Variants in MNAT1 observed in about 807,000 individuals in gnomAD.
The protein encoded by MNAT1 is CDK-activating kinase assembly factor MAT1.
MNAT1 carries 43 observed loss-of-function variants against 42.0 expected under a neutral mutation model. The observed-to-expected ratio is 1.02, with a 90% CI of 0.80 to 1.32. The LOEUF is 1.32. Ranked by LOEUF, MNAT1 falls within the 40% of genes most tolerant of loss-of-function variation. The probability of loss-of-function intolerance (pLI) is 0.00; values close to 1 mark genes in which losing one functional copy is unlikely to be tolerated. For missense variants in MNAT1, 306 were observed against 350.4 expected (o/e 0.87, Z 1.01); for synonymous variants, 118 against 120.0 (o/e 0.98, Z 0.11).
intron 7 of MNAT1, among the ~76,000 whole-genome samples, chr14:60,884,659 G>A (rs2034622671): frequency 6.6e-6 from 1 of 151,896 alleles, no homozygotes; most frequent in Admixed American, 6.6e-5. Context: ...ATTGTACTAC[G>A]TCTTGAAAAG....
chr14:60,843,569 C>T (rs2033605359), intron 6 of MNAT1, among the ~76,000 whole-genome samples: 1 of 152,070 alleles, frequency 6.6e-6, no homozygotes, highest in African/African-American at 2.4e-5. Flanking sequence ...TGCGTCCGGC[C>T]TCGTTTGCCT....
At chr14:60,795,205 C>G (rs888870007) in intron 1 of MNAT1, among the ~76,000 whole-genome samples, 1 of 152,268 alleles carries the variant, frequency 6.6e-6, no homozygotes, top group East Asian at 1.9e-4. Context: ...AGCCTGATTT[C>G]CTACACAGCA....
chr14:60,869,040 A>ATATATATATATATATATATATATTTTT (rs1465360826), intron 6 of MNAT1, among the ~76,000 whole-genome samples: 4 of 113,024 alleles, frequency 3.5e-5, no homozygotes, highest in Non-Finnish European at 3.7e-5. Context: ...ATATATATAT[A>ATATATATATATATATATATATATTTTT]TTTTTTTTTT....
chr14:60,851,597 G>A (rs906114137), intron 6 of MNAT1, among the ~76,000 whole-genome samples: 4 of 151,990 alleles, frequency 2.6e-5, no homozygotes, highest in Admixed American at 6.5e-5. Context: ...GGTTTGTTAC[G>A]TAGGTACACA....
chr14:60,756,637 T>C (rs2030366077), intron 1 of MNAT1, among the ~76,000 whole-genome samples: 1 of 152,102 alleles, frequency 6.6e-6, no homozygotes, highest in African/African-American at 2.4e-5. Flanking sequence ...ATAAAGCAAG[T>C]ATAAAGTTTT....
chr14:60,822,953 C>T (rs1344440098), intron 6 of MNAT1, among the ~76,000 whole-genome samples: 3 of 152,034 alleles, frequency 2.0e-5, no homozygotes, highest in African/African-American at 7.3e-5. Context: ...AATGGGGTTT[C>T]ACCATGTTGC....
At chr14:60,849,503 T>A (rs1038333348) in intron 6 of MNAT1, among the ~76,000 whole-genome samples, 1 of 152,138 alleles carries the variant, frequency 6.6e-6, no homozygotes, top group Admixed American at 6.5e-5. Flanking sequence ...TATAATGAAG[T>A]GTTTTGAACT....
intron 7 of MNAT1, among the ~76,000 whole-genome samples, chr14:60,933,204 A>G (rs1472088307): frequency 6.6e-6 from 1 of 152,042 alleles, no homozygotes; most frequent in Non-Finnish European, 1.5e-5. Context: ...TATTTGTATT[A>G]TACTGATTTT....
intron 3 of MNAT1, among the ~76,000 whole-genome samples, chr14:60,806,834 G>C (rs1156726708): frequency 1.3e-5 from 2 of 152,190 alleles, no homozygotes; most frequent in African/African-American, 4.8e-5. Context: ...TAGATTTTGA[G>C]TGGTTGGTAA....
chr14:60,836,069 T>G (rs2033381831), intron 6 of MNAT1, among the ~76,000 whole-genome samples: 2 of 152,212 alleles, frequency 1.3e-5, no homozygotes, highest in African/African-American at 4.8e-5. Context: ...TCTTGTGCTG[T>G]GTTTTTCAGC....
At chr14:60,911,525 C>G (rs1358115735) in intron 7 of MNAT1, among the ~76,000 whole-genome samples, 1 of 152,010 alleles carries the variant, frequency 6.6e-6, no homozygotes, top group Non-Finnish European at 1.5e-5. Context: ...TATGTTGTGT[C>G]TTTGTTCTCG....
intron 7 of MNAT1, among the ~76,000 whole-genome samples, chr14:60,894,693 T>C (rs2034915640): frequency 6.6e-6 from 1 of 152,108 alleles, no homozygotes; most frequent in Non-Finnish European, 1.5e-5. Context: ...TTTGTGTGTG[T>C]GTCTGTTGGT....
At position 60,879,659 on chromosome 14, in the gene MNAT1, G is replaced by A. The variant is rs973002838; in HGVS notation, c.688-55G>A. ...TCATCTTTAAAATGATTATAAATAA[G>A]TAGCAATATGAAAATAATAATAAGA... On this transcript the variant is annotated intron_variant, in intron 6 of 7. Coordinates refer to ENST00000261245, the MANE Select transcript of MNAT1 (RefSeq NM_002431.4). 14 of 1,484,298 alleles carry A rather than the reference G, an allele frequency of 9.4e-6. No individual in the cohort carries two copies. The African/African-American group carries it at 1.8e-4, about 19-fold the overall frequency. 91.9% of individuals were successfully genotyped at this position (1,484,298 alleles called of 1,614,324 possible).
chr14:60,945,267 T>G (rs898279752), intron 7 of MNAT1, among the ~76,000 whole-genome samples: 2 of 152,152 alleles, frequency 1.3e-5, no homozygotes, highest in Admixed American at 1.3e-4. Flanking sequence ...TAAATCCATC[T>G]TTTGAGTCTA....
intron 1 of MNAT1, among the ~76,000 whole-genome samples, chr14:60,738,670 G>C (rs1896379419): frequency 6.6e-6 from 1 of 151,968 alleles, no homozygotes; most frequent in Non-Finnish European, 1.5e-5. Flanking sequence ...CGAGTAGCTG[G>C]GATTACAGAC....
At chr14:60,865,025 G>T (rs1220393574) in intron 6 of MNAT1, among the ~76,000 whole-genome samples, 1 of 152,010 alleles carries the variant, frequency 6.6e-6, no homozygotes, top group Non-Finnish European at 1.5e-5. Context: ...TAGGGTAGAT[G>T]ATTAGAGGGA....
intron 1 of MNAT1, among the ~76,000 whole-genome samples, chr14:60,735,191 C>T (rs770875380): frequency 6.6e-6 from 1 of 152,164 alleles, no homozygotes; most frequent in Non-Finnish European, 1.5e-5. Context: ...TCAGGTTCCC[C>T]CTTCCATAGC....
chr14:60,911,100 GTTTA>G lies in MNAT1; in HGVS notation c.809+31269_809+31272del, dbSNP rs373675529. ...TTATCCATTTCTTCTAGATTTTCTA[GTTTA>G]TTTGTGTAGAGGTGTTTATAGTATT... On this transcript the variant is annotated intron_variant, in intron 7 of 7. Coordinates refer to ENST00000261245, the MANE Select transcript of MNAT1 (RefSeq NM_002431.4). Among the ~76,000 whole-genome samples the G allele has an allele frequency of 1.1e-3, 168 of 152,284 alleles. No individual in the cohort carries two copies. The East Asian group carries it at 0.023, about 21-fold the overall frequency.
intron 1 of MNAT1, among the ~76,000 whole-genome samples, chr14:60,776,758 T>C (rs1450925631): frequency 6.6e-6 from 1 of 152,192 alleles, no homozygotes; most frequent in Admixed American, 6.5e-5. Context: ...AATACAGTGA[T>C]TGTGATCATG....
Sources: allele counts gnomAD v4.1 joint callset (sites outside exome capture counted in the v4.1 genomes callset), GRCh38; gene constraint gnomAD v4.1.1; transcripts MANE v1.5; gene names NCBI Gene and HGNC (gene_info 2026-07-23, HGNC 2026-07-21).